SIPA1L2: variants seen among roughly 807,000 people sequenced by gnomAD.
SIPA1L2 encodes signal-induced proliferation-associated 1-like protein 2.
A neutral mutation model predicts 163.9 loss-of-function variants in SIPA1L2; 56 were observed. The ratio of observed to expected loss-of-function variants is 0.34; its 90% CI spans 0.28 to 0.43. The LOEUF is 0.43. SIPA1L2 is among the 20% of genes least tolerant of loss of function. SIPA1L2 has a pLI of 1.00. For missense variants in SIPA1L2, 1,974 were observed against 2,193.5 expected (o/e 0.90, Z 2.00); for synonymous variants, 877 against 865.7 (o/e 1.01, Z -0.23).
At chr1:232,537,999 C>T (rs1438883086) in intron 2 of SIPA1L2, among the ~76,000 whole-genome samples, 1 of 152,130 alleles carries the variant, frequency 6.6e-6, no homozygotes, top group South Asian at 2.1e-4. Context: ...TTGTAATAAA[C>T]ATCATTTATT....
intron 1 of SIPA1L2, among the ~76,000 whole-genome samples, chr1:232,609,262 C>T (rs1376749437): frequency 6.6e-6 from 1 of 152,156 alleles, no homozygotes; most frequent in East Asian, 1.9e-4. Context: ...TTAACTATTA[C>T]TTAATAAAAT....
chr1:232,414,745 C>T (rs189397444), intron 19 of SIPA1L2, among the ~76,000 whole-genome samples: 395 of 152,280 alleles, frequency 2.6e-3, no homozygotes, highest in Middle Eastern at 0.01. Context: ...AAGAATGCAG[C>T]GGCAAAGGGC....
chr1:232,443,577 T>C lies in SIPA1L2; in HGVS notation c.3437+25A>G, dbSNP rs751360047. The C allele has an allele frequency of 3.9e-6, 6 of 1,542,208 alleles. No homozygotes were observed. In the East Asian group the frequency reaches 9.5e-5, roughly 24 times the overall value. On this transcript the variant is annotated intron_variant, in intron 12 of 22. Transcript: ENST00000674635. ...CAGAAAACAGGTTCCTCCCAGTGGA[T>C]AACTAAGATAAAAATGAACAGTACC...
At chr1:232,611,166 C>CTGCCTTT (rs1218431417) in intron 1 of SIPA1L2, among the ~76,000 whole-genome samples, 9 of 152,182 alleles carry the variant, frequency 5.9e-5, no homozygotes, top group African/African-American at 2.2e-4. Flanking sequence ...CATGTAAGAA[C>CTGCCTTT]TGCCTTTTGC....
At chr1:232,616,202 C>T (rs1573180296) in intron 1 of SIPA1L2, among the ~76,000 whole-genome samples, 2 of 152,186 alleles carry the variant, frequency 1.3e-5, no homozygotes, top group South Asian at 2.1e-4. Context: ...GGACTTTTAT[C>T]CTACAGTAGA....
chr1:232,598,787 A>G (rs983834725), intron 1 of SIPA1L2, among the ~76,000 whole-genome samples: 4 of 152,176 alleles, frequency 2.6e-5, no homozygotes, highest in African/African-American at 7.2e-5. Flanking sequence ...ACCTGTCAAT[A>G]CTATCACCTT....
At chr1:232,553,679 GC>G (rs1658536252) in intron 2 of SIPA1L2, among the ~76,000 whole-genome samples, 2 of 152,234 alleles carry the variant, frequency 1.3e-5, no homozygotes, top group South Asian at 4.1e-4. Flanking sequence ...TTACCCCTGA[GC>G]GTCCATTTAA....
chr1:232,532,027 T>C (rs1656996063), intron 2 of SIPA1L2, among the ~76,000 whole-genome samples: 1 of 152,088 alleles, frequency 6.6e-6, no homozygotes, highest in Non-Finnish European at 1.5e-5. Flanking sequence ...TTCTGGACAG[T>C]TCTAAGCAGA....
At chr1:232,494,191 T>C (rs1178100427) in intron 3 of SIPA1L2, among the ~76,000 whole-genome samples, 2 of 152,364 alleles carry the variant, frequency 1.3e-5, no homozygotes, top group Admixed American at 1.3e-4. Flanking sequence ...AAGCTTATAA[T>C]GTTCATAAAG....
intron 2 of SIPA1L2, among the ~76,000 whole-genome samples, chr1:232,539,277 T>C (rs1657497459): frequency 6.6e-6 from 1 of 152,188 alleles, no homozygotes; most frequent in African/African-American, 2.4e-5. Flanking sequence ...AGGCAAGGCC[T>C]TGAGAGGTGC....
intron 2 of SIPA1L2, among the ~76,000 whole-genome samples, chr1:232,571,233 A>T (rs1659707467): frequency 6.6e-6 from 1 of 152,252 alleles, no homozygotes. Context: ...TTTTTAGAAC[A>T]TAAACACTAA....
intron 1 of SIPA1L2, among the ~76,000 whole-genome samples, chr1:232,574,518 A>C (rs1285683): frequency 0.3 from 45,148 of 152,120 alleles, 7,081 homozygotes; most frequent in East Asian, 0.56. Flanking sequence ...AAAGCAATAT[A>C]ATTCTGCTCA....
intron 10 of SIPA1L2, 88 bp from the exon 11 acceptor site, chr1:232,445,874 AT>A: frequency 2.1e-6 from 3 of 1,447,308 alleles, no homozygotes; most frequent in Non-Finnish European, 2.8e-6. Context: ...CTCAACACAC[AT>A]CACATGGTGT....
rs540287244 is a variant in SIPA1L2 at position 232,493,145 on chromosome 1, G to T, written c.1617+382C>A. 2.6e-5 allele frequency among the ~76,000 whole-genome samples: 4 copies of T among 152,168 alleles called. No homozygotes were observed. The East Asian group carries it at 7.7e-4, about 29-fold the overall frequency. On this transcript the variant is annotated intron_variant, in intron 4 of 22. Transcript: ENST00000674635. ...TCCCCCTTTACTCTCTCTCTGTCCT[G>T]GTCCACCATGATAAGATGTGCTTGC... is the stretch of plus-strand genomic sequence containing the variant.
At chr1:232,433,300 A>C (rs986628542) in intron 15 of SIPA1L2, among the ~76,000 whole-genome samples, 3 of 152,254 alleles carry the variant, frequency 2.0e-5, no homozygotes, top group South Asian at 2.1e-4. Flanking sequence ...TACAATGATC[A>C]TGAGCCAGTT....
chr1:232,539,033 A>T (rs1657482292), intron 2 of SIPA1L2, among the ~76,000 whole-genome samples: 2 of 152,244 alleles, frequency 1.3e-5, no homozygotes, highest in South Asian at 4.1e-4. Flanking sequence ...TAGCAGTCAC[A>T]TGCTCTGTTT....
At chr1:232,445,494 A>G in intron 11 of SIPA1L2, 35 bp downstream of exon 11, 1 of 1,612,072 alleles carries the variant, frequency 6.2e-7, no homozygotes, top group African/African-American at 1.3e-5. Context: ...AGTGATTTAC[A>G]AGGGCCCCCC....
Position 232,609,840 on chromosome 1 carries a change from A to T in SIPA1L2, c.-319+20029T>A, listed in dbSNP as rs977582708. 2.0e-5 allele frequency among the ~76,000 whole-genome samples: 3 copies of T among 151,914 alleles called. No individual in the cohort carries two copies. In the South Asian group the frequency reaches 6.2e-4, roughly 32 times the overall value. ...GCGAGACTCCATCTCAAAAAAAAAA[A>T]AAAAAGAAAAAGAAAAAAGAAAAAA... On this transcript the variant is annotated intron_variant, in intron 1 of 22. Transcript: ENST00000674635.
At chr1:232,552,495 C>G (rs1396836094) in intron 2 of SIPA1L2, among the ~76,000 whole-genome samples, 1 of 151,886 alleles carries the variant, frequency 6.6e-6, no homozygotes, top group Non-Finnish European at 1.5e-5. Context: ...CTCAGCCTCC[C>G]AAGCAGCTAG....
Sources: allele counts gnomAD v4.1 joint callset (sites outside exome capture counted in the v4.1 genomes callset), GRCh38; gene constraint gnomAD v4.1.1; transcripts MANE v1.5; gene names NCBI Gene and HGNC (gene_info 2026-07-23, HGNC 2026-07-21).